The following ANK2 variants were observed in gnomAD, a reference collection of about 807,000 sequenced individuals.
ANK2 encodes ankyrin-2.
In ANK2, 83 loss-of-function variants were observed where a neutral mutation model predicts 360.5. The ratio of observed to expected loss-of-function variants is 0.23; its 90% confidence interval spans 0.19 to 0.28. The LOEUF is 0.28. Among genes scored for constraint, ANK2 ranks in the 10% least tolerant of loss-of-function variants. ANK2 has a pLI of 1.00. For missense variants in ANK2, 4,201 were observed against 4,795.7 expected (o/e 0.88, Z 3.66); for synonymous variants, 1,740 against 1,759.5 (o/e 0.99, Z 0.28).
intron 26 of ANK2, among the ~76,000 whole-genome samples, chr4:113,319,007 A>G (rs896923495): frequency 1.3e-5 from 2 of 152,218 alleles, no homozygotes; most frequent in African/African-American, 4.8e-5. Context: ...GATTGGTTCA[A>G]TGAAATAAAT....
chr4:113,013,835 T>G (rs1170357414), intron 2 of ANK2, among the ~76,000 whole-genome samples: 1 of 152,214 alleles, frequency 6.6e-6, no homozygotes, highest in Admixed American at 6.5e-5. Context: ...TGCTTTGTCC[T>G]ATTCCAAAAG....
intron 2 of ANK2, among the ~76,000 whole-genome samples, chr4:113,183,483 C>A (rs1338910709): frequency 6.6e-6 from 1 of 152,042 alleles, no homozygotes; most frequent in African/African-American, 2.4e-5. Context: ...TAGAGAAACA[C>A]AAGGGAACTG....
At chr4:112,748,041 AG>A in the ANK2 span, among the ~76,000 whole-genome samples, 1 of 152,174 alleles carries the variant, frequency 6.6e-6, no homozygotes, top group South Asian at 2.1e-4. Flanking sequence ...ATGTAGTAAA[AG>A]CTGTTTTCAT....
At chr4:112,897,092 G>A (rs2081994110) in intron 1 of ANK2, among the ~76,000 whole-genome samples, 1 of 152,164 alleles carries the variant, frequency 6.6e-6, no homozygotes, top group Non-Finnish European at 1.5e-5. Flanking sequence ...CGAGGTTAGA[G>A]AAGCTCTTTC....
intron 2 of ANK2, among the ~76,000 whole-genome samples, chr4:113,177,524 A>C (rs535683572): frequency 2.0e-4 from 31 of 152,216 alleles, no homozygotes; most frequent in Non-Finnish European, 3.5e-4. Flanking sequence ...AAAAAAGAGA[A>C]CCTAAGGAAA....
the ANK2 span, among the ~76,000 whole-genome samples, chr4:112,727,075 G>C: frequency 6.6e-6 from 1 of 151,900 alleles, no homozygotes; most frequent in Admixed American, 6.6e-5. Flanking sequence ...ATGCAGAATA[G>C]TTATGGTTAA....
At chr4:112,755,014 C>T in the ANK2 span, among the ~76,000 whole-genome samples, 1 of 152,180 alleles carries the variant, frequency 6.6e-6, no homozygotes, top group Non-Finnish European at 1.5e-5. Context: ...GGCATATCAT[C>T]TTAGAAGTAG....
At chr4:113,308,344 A>G (rs955840455) in intron 23 of ANK2, among the ~76,000 whole-genome samples, 22 of 152,222 alleles carry the variant, frequency 1.4e-4, no homozygotes, top group African/African-American at 5.1e-4. Flanking sequence ...TGCTGTGGAC[A>G]TGCTAAATCT....
chr4:112,961,060 G>GTTT (rs61530543), intron 2 of ANK2, among the ~76,000 whole-genome samples: 1 of 139,472 alleles, frequency 7.2e-6, no homozygotes, highest in Non-Finnish European at 1.6e-5. Flanking sequence ...CTAAATAACT[G>GTTT]TTTTTTTTTT....
At chr4:112,811,605 A>G in the ANK2 span, among the ~76,000 whole-genome samples, 1,301 of 152,292 alleles carry the variant, frequency 8.5e-3, 22 homozygotes, top group African/African-American at 0.03. Context: ...TCAGCAGCAG[A>G]TTAGTATCCA....
chr4:113,356,634 G>T lies in ANK2; in HGVS notation c.8016G>T (p.Gln2672His), dbSNP rs1235099082. 2 of 1,614,066 alleles carry T rather than the reference G, an allele frequency of 1.2e-6. No homozygotes were observed. Among genetic ancestry groups the T allele is most frequent in the Admixed American group, 3.3e-5 (2 of 60,012 alleles). ...SSSESEPELA[Q>H]LKKGADSGLL... ...CAGAAAGTGAACCTGAGTTGGCACA[G>T]CTTAAAAAAGGTGCTGACTCAGGCC... The change falls in exon 38 of 46, where the codon CAG becomes CAT. Residue 2672 changes from glutamine (Q) to histidine (H), a missense_variant. Gln to His is a conservative substitution (Grantham distance 24, BLOSUM62 0). Coordinates refer to ENST00000357077, the MANE Select transcript of ANK2 (RefSeq NM_001148.6).
chr4:112,800,838 T>A, the ANK2 span, among the ~76,000 whole-genome samples: 1 of 152,114 alleles, frequency 6.6e-6, no homozygotes, highest in African/African-American at 2.4e-5. Context: ...GTATTTTTAG[T>A]AGAGACGGGT....
intron 1 of ANK2, among the ~76,000 whole-genome samples, chr4:112,865,116 C>G (rs1266724486): frequency 7.3e-6 from 1 of 137,140 alleles, no homozygotes; most frequent in African/African-American, 2.7e-5. Context: ...AGCATTAGTG[C>G]AACATGTGGA....
chr4:112,924,136 G>A (rs1026606596), intron 2 of ANK2, among the ~76,000 whole-genome samples: 3 of 152,116 alleles, frequency 2.0e-5, no homozygotes, highest in South Asian at 2.1e-4. Flanking sequence ...TTGGGAGGCC[G>A]AGGCGTGGGG....
At chr4:112,850,249 C>CATCTATCTATCTATCT (rs200885271) in intron 1 of ANK2, among the ~76,000 whole-genome samples, 21 of 139,350 alleles carry the variant, frequency 1.5e-4, no homozygotes, top group East Asian at 2.2e-4. Flanking sequence ...TAAGAAATTT[C>CATCTATCTATCTATCT]ATCTATCTAT....
At chr4:113,233,603 T>A (rs2099347938) in intron 5 of ANK2, among the ~76,000 whole-genome samples, 1 of 152,186 alleles carries the variant, frequency 6.6e-6, no homozygotes, top group African/African-American at 2.4e-5. Context: ...ATGAACTCCC[T>A]TCTATGCTGC....
chr4:112,709,732 G>A, the ANK2 span, among the ~76,000 whole-genome samples: 6 of 152,296 alleles, frequency 3.9e-5, no homozygotes, highest in African/African-American at 1.4e-4. Flanking sequence ...CTGGGTGACA[G>A]AGCAAAACAG....
chr4:113,230,514 C>CAA (rs376508854), intron 4 of ANK2, among the ~76,000 whole-genome samples: 2 of 137,220 alleles, frequency 1.5e-5, no homozygotes, highest in Non-Finnish European at 1.6e-5. Flanking sequence ...GACTCCATCT[C>CAA]AAAAAAAAAA....
chr4:113,136,065 C>A (rs2096389046), intron 1 of ANK2, among the ~76,000 whole-genome samples: 1 of 152,086 alleles, frequency 6.6e-6, no homozygotes, highest in South Asian at 2.1e-4. Context: ...TTTGCATAAA[C>A]CACTCATATT....
Sources: gnomAD v4.1 joint callset for allele counts (sites outside exome capture counted in the v4.1 genomes callset) on GRCh38, gnomAD v4.1.1 for gene constraint, MANE v1.5 for transcripts, NCBI Gene and HGNC (gene_info 2026-07-23, HGNC 2026-07-21) for gene names.